The following C3 variants were observed in gnomAD, a reference collection of about 807,000 sequenced individuals.
C3 encodes complement C3, also known as C3 and PZP-like alpha-2-macroglobulin domain-containing protein 1.
Under a neutral mutation model 207.9 loss-of-function variants are expected in C3, and 97 were observed. The observed-to-expected ratio is 0.47, with a 90% CI of 0.40 to 0.55. The LOEUF (loss-of-function observed/expected upper bound fraction) is 0.55, where lower values mean the gene tolerates loss of function less well. Among genes scored for constraint, C3 ranks in the 20% least tolerant of loss-of-function variants. The pLI is 0.00. For missense variants in C3, 1,684 were observed against 2,171.7 expected (o/e 0.78, Z 4.46); for synonymous variants, 848 against 857.6 (o/e 0.99, Z 0.20).
chr19:6,679,554 C>G, intron 36 of C3, 58 bp from the exon 37 acceptor site: 1 of 1,141,358 alleles, frequency 8.8e-7, no homozygotes, highest in Non-Finnish European at 1.3e-6. Context: ...AAAGACCATG[C>G]CTGGGAGGCC....
chr19:6,697,055 A>AAAAAAAAAAAAAAAT, intron 21 of C3, among the ~76,000 whole-genome samples: 1 of 87,692 alleles, frequency 1.1e-5, no homozygotes, highest in Admixed American at 1.3e-4. Flanking sequence ...AAAATAAACA[A>AAAAAAAAAAAAAAAT]ACAAATAAAT....
chr19:6,713,071 A>G (rs1967952826), intron 9 of C3, 118 bp downstream of exon 9: 2 of 1,269,402 alleles, frequency 1.6e-6, no homozygotes, highest in East Asian at 4.6e-5. Context: ...CATCAGACTG[A>G]ACCCCACTTT....
chr19:6,681,847 C>T (rs920371959), intron 35 of C3, 94 bp downstream of exon 35: 8 of 954,496 alleles, frequency 8.4e-6, no homozygotes, highest in Non-Finnish European at 1.4e-5. Context: ...GTTAGTCTGA[C>T]CCAGAGACAA....
chr19:6,715,382 A>G (rs1288771782), intron 4 of C3, among the ~76,000 whole-genome samples: 3 of 152,138 alleles, frequency 2.0e-5, no homozygotes, highest in Non-Finnish European at 2.9e-5. Flanking sequence ...AGGCTGAGAC[A>G]GGAGGACAGC....
At chr19:6,717,843 TTG>T (rs758733649) in intron 4 of C3, 11 of 589,000 alleles carry the variant, frequency 1.9e-5, no homozygotes, top group South Asian at 9.3e-5. Context: ...GTGTGTTGCA[TTG>T]TGTGTGTGCA....
Position 6,678,416 on chromosome 19 carries a change from T to G in C3, c.4670A>C (p.Asp1557Ala), listed in dbSNP as rs868660644. Reference protein sequence around the residue: ...TRLVKVQLSNDFDEYIMAIEQ... With the variant: ...TRLVKVQLSNAFDEYIMAIEQ... Reference sequence around the variant, plus strand: ...AATGGCCATGATGTACTCGTCAAAGTCATTGGACAGCTGAACCTTGACCAG... The same window carrying G: ...AATGGCCATGATGTACTCGTCAAAGGCATTGGACAGCTGAACCTTGACCAG... The change falls in exon 39 of 41, where the codon GAC (aspartate) becomes GCC (alanine). Residue 1557 changes from aspartate (D) to alanine (A), a missense_variant. Asp to Ala is a moderately radical substitution (Grantham distance 126). Coordinates refer to ENST00000245907, the MANE Select transcript of C3 (RefSeq NM_000064.4). 27 of 1,614,014 alleles carry G rather than the reference T, an allele frequency of 1.7e-5. No individual in the cohort carries two copies. In the Middle Eastern group the frequency reaches 4.5e-3, roughly 266 times the overall value.
rs1175387108 is a variant in C3 at position 6,693,143 on chromosome 19, C to G, written c.3231-60G>C. On this transcript the variant is annotated intron_variant, in intron 25 of 40. Coordinates refer to ENST00000245907, the MANE Select transcript of C3 (RefSeq NM_000064.4). ...TGAGATCCAGAGACTGCCATGTCAACCAGCCAATGAGCGTGGGGGAGGGAC... is the reference window on the plus strand; with the variant it reads ...TGAGATCCAGAGACTGCCATGTCAAGCAGCCAATGAGCGTGGGGGAGGGAC... 3.1e-6 allele frequency: 5 copies of G among 1,588,612 alleles called. No individual in the cohort carries two copies. In the Admixed American group the frequency reaches 8.3e-5, roughly 26 times the overall value.
At chr19:6,696,311 A>G (rs1967532503) in intron 23 of C3, 68 bp downstream of exon 23, 4 of 964,794 alleles carry the variant, frequency 4.1e-6, no homozygotes, top group African/African-American at 3.2e-5. Context: ...CACCTCCAGA[A>G]TGAGATGGAA....
rs745707601 is a variant in C3 at position 6,702,190 on chromosome 19, T to A, written c.2377A>T (p.Ile793Leu). 1.2e-6 allele frequency: 2 copies of A among 1,602,636 alleles called. No homozygotes were observed. The highest frequency in any genetic ancestry group is 1.7e-5 in the Admixed American group (1 of 59,976). The change falls in exon 19 of 41, where the codon ATA becomes TTA. Residue 793 changes from isoleucine to leucine, a missense_variant. Ile to Leu is a conservative substitution (Grantham distance 5). Coordinates refer to ENST00000245907, the MANE Select transcript of C3 (RefSeq NM_000064.4). ...KNGISTKLMNIFLKDSITTWE... is the reference protein window; with the variant it reads ...KNGISTKLMNLFLKDSITTWE... ...GTGGTGATGGAGTCTTTCAAAAATATATTCATGAGCTTCGTAGAGATTCTG... is the reference window on the plus strand; with the variant it reads ...GTGGTGATGGAGTCTTTCAAAAATAAATTCATGAGCTTCGTAGAGATTCTG...
chr19:6,709,865 G>A lies in C3; in HGVS notation c.1687-23C>T, dbSNP rs754832268. The A allele has an allele frequency of 5.0e-6, 8 of 1,610,112 alleles. No homozygotes were observed. In the Admixed American group the frequency reaches 5.0e-5, roughly 10 times the overall value. On this transcript the variant is annotated intron_variant, in intron 13 of 40. Coordinates refer to ENST00000245907, the MANE Select transcript of C3 (RefSeq NM_000064.4). ...CAGCTGTGGGGAGGGTGGAGACGCC[G>A]AAAGAAGTCAGCCCTGGGAGAGAGG...
intron 17 of C3, 150 bp downstream of exon 17, chr19:6,706,926 C>T (rs1346456384): frequency 1.5e-5 from 10 of 676,540 alleles, no homozygotes; most frequent in Admixed American, 2.6e-5. Flanking sequence ...CAGGGACCTC[C>T]TGCCCCCTCA....
intron 13 of C3, 121 bp from the exon 14 acceptor site, chr19:6,709,963 G>A: frequency 1.4e-6 from 1 of 739,938 alleles, no homozygotes; most frequent in Non-Finnish European, 2.2e-6. Context: ...TGGGGCTGGG[G>A]AGGGGGAGAG....
At chr19:6,690,835 C>G in intron 26 of C3, 108 bp from the exon 27 acceptor site, 2 of 823,248 alleles carry the variant, frequency 2.4e-6, no homozygotes, top group Non-Finnish European at 4.2e-6. Flanking sequence ...GGCTGAGTCT[C>G]TTCTAGGTGT....
intron 38 of C3, 67 bp from the exon 39 acceptor site, chr19:6,678,522 A>G: frequency 7.4e-7 from 1 of 1,346,496 alleles, no homozygotes; most frequent in Non-Finnish European, 1.1e-6. Flanking sequence ...CCTGGTTTGC[A>G]AGTGCACCCG....
At position 6,682,104 on chromosome 19, in the gene C3, C is replaced by T. The variant is rs193293763; in HGVS notation, c.4260+38G>A. On this transcript the variant is annotated intron_variant, in intron 34 of 40. Coordinates refer to ENST00000245907, the MANE Select transcript of C3 (RefSeq NM_000064.4). ...CCTGCAGCCTCTTCCAGAACCCAGG[C>T]TCCTTTCCACTTATCCCAGCTCCTG... 5 of 1,605,886 alleles carry T rather than the reference C, an allele frequency of 3.1e-6. No homozygotes were observed. The Admixed American group carries it at 6.7e-5, about 21-fold the overall frequency.
At chr19:6,681,074 AT>A (rs1917846473) in intron 35 of C3, among the ~76,000 whole-genome samples, 1 of 152,068 alleles carries the variant, frequency 6.6e-6, no homozygotes, top group Non-Finnish European at 1.5e-5. Context: ...TACACAGAAT[AT>A]TTATGAAGAA....
At chr19:6,713,911 T>A in intron 7 of C3, 81 bp downstream of exon 7, 9 of 427,108 alleles carry the variant, frequency 2.1e-5, no homozygotes, top group Non-Finnish European at 2.5e-5. Flanking sequence ...GCCCCCCACC[T>A]GACTCCACCC....
At chr19:6,707,603 T>C (rs1967808336) in intron 15 of C3, 66 bp from the exon 16 acceptor site, 4 of 1,576,724 alleles carry the variant, frequency 2.5e-6, no homozygotes, top group African/African-American at 2.7e-5. Flanking sequence ...GGTTCACCCC[T>C]CACGATCGTG....
intron 1 of C3, 119 bp downstream of exon 1, chr19:6,720,397 T>A (rs1164367304): frequency 4.0e-6 from 3 of 747,060 alleles, no homozygotes; most frequent in Non-Finnish European, 7.2e-6. Context: ...CCCAACCTGC[T>A]AACCCCTGAA....
Sources: gnomAD v4.1 joint callset for allele counts (sites outside exome capture counted in the v4.1 genomes callset) on GRCh38, gnomAD v4.1.1 for gene constraint, MANE v1.5 for transcripts, NCBI Gene and HGNC (gene_info 2026-07-23, HGNC 2026-07-21) for gene names.